WDSUB1: variants seen among roughly 807,000 people sequenced by gnomAD.
WDSUB1 encodes the protein WD repeat, SAM and U-box domain-containing protein 1.
In WDSUB1, 49 loss-of-function variants were observed where a neutral mutation model predicts 53.9. The ratio of observed to expected loss-of-function variants is 0.91; its 90% confidence interval spans 0.72 to 1.15. The LOEUF (loss-of-function observed/expected upper bound fraction) is 1.15, where lower values mean the gene tolerates loss of function less well. WDSUB1 is among the 50% of genes most tolerant of loss of function. The pLI, the probability that WDSUB1 is intolerant of heterozygous loss-of-function variation, is 0.00. For missense variants in WDSUB1, 514 were observed against 562.0 expected, an observed-to-expected ratio of 0.91 and a Z score of 0.86; for synonymous variants, 194 against 200.6, an observed-to-expected ratio of 0.97 and a Z score of 0.28.
chr2:159,285,148 G>A (rs911443245), intron 1 of WDSUB1, among the ~76,000 whole-genome samples: 10 of 152,114 alleles, frequency 6.6e-5, no homozygotes, highest in African/African-American at 2.4e-4. Flanking sequence ...AAACTGTCAG[G>A]CACCTAATGT....
rs759296460 is a variant in WDSUB1, at chr2:159,283,038, T to C, written c.32A>G (p.His11Arg). The change falls in exon 2 of 11, where the codon CAT (histidine) becomes CGT (arginine). Residue 11 changes from histidine (H) to arginine (R), a missense_variant. Transcript: ENST00000359774. ...GGCACAGCAGTTGACATCGTCACCATGATCAGCTAATGTGTGAATCAGTTT... is the reference window on the plus strand; with the variant it reads ...GGCACAGCAGTTGACATCGTCACCACGATCAGCTAATGTGTGAATCAGTTT... MVKLIHTLAD[H>R]GDDVNCCAFS... is the part of the protein sequence containing the mutation. The C allele has an allele frequency of 3.8e-5, 62 of 1,613,664 alleles. No homozygotes were observed. The highest frequency in any genetic ancestry group is 4.4e-5 in the Non-Finnish European group (52 of 1,179,702).
At chr2:159,269,551 A>G (rs751519516) in intron 5 of WDSUB1, among the ~76,000 whole-genome samples, 1 of 152,222 alleles carries the variant, frequency 6.6e-6, no homozygotes, top group Non-Finnish European at 1.5e-5. Context: ...TACAAAGTGG[A>G]TATGCAAAAA....
Position 159,236,181 on chromosome 2 carries a change from G to A in WDSUB1, c.1283C>T (p.Ser428Leu), listed in dbSNP as rs142209888. 9.7e-4 allele frequency: 1,554 copies of A among 1,597,506 alleles called. No individual in the cohort carries two copies. Among genetic ancestry groups the A allele is most frequent in the Non-Finnish European group, 1.3e-3 (1,477 of 1,174,984 alleles). Residue 428 changes from serine to leucine, a missense_variant, in exon 11 of 11, where the codon TCA (serine) becomes TTA (leucine). Physicochemically the swap from Ser to Leu is moderately radical, Grantham distance 145. Coordinates refer to ENST00000359774, the MANE Select transcript of WDSUB1 (RefSeq NM_001128212.3). ...ATTTTCCATTGCTTCCTTTTCATAT[G>A]AATAGCCATCTAAAAAAAAAAAATC... Reference protein sequence around the residue: ...KDPVIASDGYSYEKEAMENWI... With the variant: ...KDPVIASDGYLYEKEAMENWI...
rs1575427207 is a variant in WDSUB1 at position 159,242,451 on chromosome 2, G to C, written c.1273+5921C>G. On this transcript the variant is annotated intron_variant, in intron 10 of 10. Coordinates refer to ENST00000359774, the MANE Select transcript of WDSUB1 (RefSeq NM_001128212.3). ...GGAGGCGGGCAGATCACCTGAGGTT[G>C]GGAGATCGAGACCATCCTGGCTAAC... Among the ~76,000 whole-genome samples, 2 of 146,496 alleles carry C rather than the reference G, an allele frequency of 1.4e-5. 1 individual carries two copies. Among genetic ancestry groups the C allele is most frequent in the East Asian group, 4.5e-4 (2 of 4,484 alleles).
rs2060873984 is a variant in WDSUB1, at chr2:159,248,518, A to C, written c.1133-6T>G. ...ACTACGCAGTCCTAGAGATTCTGAA[A>C]AGAAATTACTGTTAGGGCTGGATAA... On this transcript the variant is annotated splice_polypyrimidine_tract_variant and splice_region_variant and intron_variant, in intron 9 of 10. Transcript: ENST00000359774. The C allele has an allele frequency of 2.7e-6, 4 of 1,492,074 alleles. No individual in the cohort carries two copies. Among genetic ancestry groups the C allele is most frequent in the Non-Finnish European group, 3.5e-6 (4 of 1,127,440 alleles). 92.4% of individuals were successfully genotyped at this position (1,492,074 alleles called of 1,614,324 possible). A position where few individuals can be genotyped will look rare whatever the true frequency, so the allele number is the denominator to read the frequency against.
At chr2:159,253,205 A>G (rs2060987482) in intron 9 of WDSUB1, among the ~76,000 whole-genome samples, 1 of 152,264 alleles carries the variant, frequency 6.6e-6, no homozygotes, top group Admixed American at 6.5e-5. Context: ...TAAATGTTAT[A>G]GTAGTAGTCA....
At chr2:159,257,608 G>T in intron 8 of WDSUB1, 150 bp downstream of exon 8, 2 of 639,426 alleles carry the variant, frequency 3.1e-6, no homozygotes, top group South Asian at 3.9e-5. Context: ...GGCTGGTCTC[G>T]AACTTCTGAC....
chr2:159,260,896 G>A (rs1490901876), intron 5 of WDSUB1, among the ~76,000 whole-genome samples: 4 of 152,320 alleles, frequency 2.6e-5, no homozygotes, highest in African/African-American at 4.8e-5. Flanking sequence ...GCTGATCACA[G>A]TCTGACCACA....
rs1227494612 is a variant in WDSUB1, at chr2:159,286,591, G to GC, written c.-34dup. The GC allele has an allele frequency of 1.3e-5, 2 of 152,200 alleles. No homozygotes were observed. Among genetic ancestry groups the GC allele is most frequent in the Non-Finnish European group, 2.9e-5 (2 of 68,066 alleles). 9.4% of individuals were successfully genotyped at this position (152,200 alleles called of 1,614,324 possible). On this transcript the variant is annotated 5_prime_UTR_variant, in exon 1 of 11. Transcript: ENST00000359774. ...GGCGCGGCCGCTCTCACCTGCAGGAGCGGGGGCGCGCGGGATCCGCCTTCA... is the reference window on the plus strand; with the variant it reads ...GGCGCGGCCGCTCTCACCTGCAGGAGCCGGGGGCGCGCGGGATCCGCCTTCA...
In WDSUB1 at chr2:159,236,152, T is replaced by C. The variant is rs768513224; in HGVS notation, c.1312A>G (p.Ile438Val). ...GGACTTGTACGTTTCTTTTTGCTGA[T>C]CCAATTTTCCATTGCTTCCTTTTCA... Reference protein sequence around the residue: ...SYEKEAMENWISKKKRTSPMT... With the variant: ...SYEKEAMENWVSKKKRTSPMT... Residue 438 changes from isoleucine (I) to valine (V), a missense_variant, in exon 11 of 11, where the codon ATC (isoleucine) becomes GTC (valine). By Grantham distance (29) the Ile-to-Val change is conservative (BLOSUM62 3). Coordinates refer to ENST00000359774, the MANE Select transcript of WDSUB1 (RefSeq NM_001128212.3). The C allele has an allele frequency of 6.2e-7, 1 of 1,612,562 alleles. No homozygotes were observed. The highest frequency in any genetic ancestry group is 1.7e-5 in the Admixed American group (1 of 59,850).
chr2:159,276,592 T>G (rs2061546360), intron 3 of WDSUB1, among the ~76,000 whole-genome samples: 1 of 152,256 alleles, frequency 6.6e-6, no homozygotes, highest in African/African-American at 2.4e-5. Context: ...TATCATTATA[T>G]ATCTACTAAA....
At position 159,279,793 on chromosome 2, in the gene WDSUB1, G is replaced by GT; in HGVS notation, c.550dup (p.Thr184AsnfsTer12). ...TGGCTGTGAAGAAAAATCGCAGCAG[G>GT]TAATTCCAAGATCATGTGCTTTTTC... On this transcript the variant is annotated frameshift_variant, in exon 3 of 11. Coordinates refer to ENST00000359774, the MANE Select transcript of WDSUB1 (RefSeq NM_001128212.3). LOFTEE classifies it high-confidence loss of function. 1 of 1,606,576 alleles carries GT rather than the reference G, an allele frequency of 6.2e-7. No homozygotes were observed. Among genetic ancestry groups the GT allele is most frequent in the Non-Finnish European group, 8.5e-7 (1 of 1,175,564 alleles).
chr2:159,269,068 A>G (rs2061398848), intron 5 of WDSUB1, among the ~76,000 whole-genome samples: 1 of 152,192 alleles, frequency 6.6e-6, no homozygotes, highest in African/African-American at 2.4e-5. Context: ...TTTAATTGGA[A>G]TCCCAGAATT....
Position 159,259,862 on chromosome 2 carries a change from A to G in WDSUB1, c.771-19T>C. On this transcript the variant is annotated intron_variant, in intron 5 of 10. Transcript: ENST00000359774. ...CACTGACCTTAAAAGAAAATAAATT[A>G]TAGGTGAAAAGTTCTATAAAAACAA... 1 of 1,502,612 alleles carries G rather than the reference A, an allele frequency of 6.7e-7. No individual in the cohort carries two copies. Among genetic ancestry groups the G allele is most frequent in the Non-Finnish European group, 9.0e-7 (1 of 1,108,252 alleles). The allele number at this position is 1,502,612 out of a possible 1,614,324, so 93.1% of individuals were successfully genotyped here.
chr2:159,248,971 T>C (rs572843032), intron 9 of WDSUB1, among the ~76,000 whole-genome samples: 2 of 152,310 alleles, frequency 1.3e-5, no homozygotes, highest in South Asian at 2.1e-4. Context: ...GCATGAACTA[T>C]TGTTTTCTTT....
chr2:159,251,253 G>A (rs1490342066), intron 9 of WDSUB1, among the ~76,000 whole-genome samples: 1 of 151,572 alleles, frequency 6.6e-6, no homozygotes, highest in Non-Finnish European at 1.5e-5. Flanking sequence ...GCAACAGAGT[G>A]AGACTCTGTC....
chr2:159,278,846 A>C (rs1333476075), intron 3 of WDSUB1, among the ~76,000 whole-genome samples: 2 of 152,178 alleles, frequency 1.3e-5, no homozygotes, highest in Non-Finnish European at 2.9e-5. Flanking sequence ...GGAAATACCA[A>C]AACCTTTCTG....
chr2:159,242,904 T>G (rs890303761), intron 10 of WDSUB1, among the ~76,000 whole-genome samples: 20 of 147,820 alleles, frequency 1.4e-4, no homozygotes, highest in Non-Finnish European at 1.0e-4. Context: ...CTGAGGCAAT[T>G]AGTCCAATAG....
At chr2:159,251,601 A>C (rs1466067722) in intron 9 of WDSUB1, among the ~76,000 whole-genome samples, 1 of 152,192 alleles carries the variant, frequency 6.6e-6, no homozygotes, top group African/African-American at 2.4e-5. Flanking sequence ...ATTGCTGAGA[A>C]AGAAAGGACC....
Sources: gnomAD v4.1 joint callset for allele counts (sites outside exome capture counted in the v4.1 genomes callset) on GRCh38, gnomAD v4.1.1 for gene constraint, MANE v1.5 for transcripts, NCBI Gene and HGNC (gene_info 2026-07-23, HGNC 2026-07-21) for gene names.